The following SP140 variants were observed in gnomAD, a reference collection of about 807,000 sequenced individuals.
The protein encoded by SP140 is nuclear body protein SP140.
SP140 carries 81 observed loss-of-function variants against 125.0 expected under a neutral mutation model. The ratio of observed to expected loss-of-function variants is 0.65; its 90% CI spans 0.54 to 0.78. The LOEUF (loss-of-function observed/expected upper bound fraction) is 0.78. SP140 is among the 30% of genes least tolerant of loss of function. SP140 has a pLI of 0.00. For missense variants in SP140, 858 were observed against 1,037.0 expected (o/e 0.83, Z 2.37); for synonymous variants, 312 against 354.0 (o/e 0.88, Z 1.33).
chr2:230,238,947 G>T lies in SP140; in HGVS notation c.406+566G>T, dbSNP rs2048350464. On this transcript the variant is annotated intron_variant, in intron 3 of 26. Transcript: ENST00000392045. Reference sequence around the variant, plus strand: ...GTGGTTGAATTGCAGACTGTGGGAGGCAGGGTGTGAGAGCTGACTCTGGAG... The same window carrying T: ...GTGGTTGAATTGCAGACTGTGGGAGTCAGGGTGTGAGAGCTGACTCTGGAG... The T allele has an allele frequency of 5.8e-6, 9 of 1,539,824 alleles. No individual in the cohort carries two copies. In the East Asian group the frequency reaches 2.2e-4, roughly 38 times the overall value.
intron 9 of SP140, among the ~76,000 whole-genome samples, chr2:230,249,878 C>G (rs2114590): frequency 0.28 from 43,198 of 152,054 alleles, 6,273 homozygotes; most frequent in Middle Eastern, 0.34. Context: ...CCTAGGTAGA[C>G]AGTGGCACAG....
chr2:230,198,419 T>A (rs1171088615), upstream of SP140, among the ~76,000 whole-genome samples: 1 of 152,182 alleles, frequency 6.6e-6, no homozygotes, highest in African/African-American at 2.4e-5. Context: ...ATGCCCACCA[T>A]AAACATGGGC....
At chr2:230,202,795 T>A, upstream of SP140, 1 of 1,473,862 alleles carries the variant, frequency 6.8e-7, no homozygotes, top group Non-Finnish European at 9.5e-7. Flanking sequence ...ACAGTCCCAA[T>A]CAGTGACTTC....
chr2:230,302,176 G>A (rs567952703), intron 22 of SP140, among the ~76,000 whole-genome samples: 1 of 151,512 alleles, frequency 6.6e-6, no homozygotes, highest in South Asian at 2.1e-4. Flanking sequence ...ACAAGGTCAG[G>A]AGATCAAGAC....
At chr2:230,239,213 G>T in intron 3 of SP140, 1 of 301,490 alleles carries the variant, frequency 3.3e-6, no homozygotes, top group East Asian at 9.0e-5. Context: ...CAAATACTGT[G>T]CATGCCTCCT....
intron 1 of SP140, chr2:230,230,439 C>G (rs1470467753): frequency 6.6e-6 from 1 of 152,144 alleles, no homozygotes; most frequent in Non-Finnish European, 1.5e-5. Context: ...CATGTGACCT[C>G]CAGCTACATG....
intron 3 of SP140, chr2:230,238,948 C>G: frequency 1.3e-6 from 2 of 1,538,334 alleles, no homozygotes; most frequent in African/African-American, 1.4e-5. Context: ...CTGTGGGAGG[C>G]AGGGTGTGAG....
intron 1 of SP140, among the ~76,000 whole-genome samples, chr2:230,235,772 G>C (rs2047885554): frequency 6.6e-6 from 1 of 151,848 alleles, no homozygotes; most frequent in Admixed American, 6.5e-5. Flanking sequence ...CTGAAATCCA[G>C]AGGTCTCCAA....
chr2:230,281,567 T>C (rs962320363), intron 15 of SP140, among the ~76,000 whole-genome samples: 1 of 152,204 alleles, frequency 6.6e-6, no homozygotes, highest in South Asian at 2.1e-4. Context: ...TTCTGGTGTA[T>C]CTCCACCCAC....
chr2:230,242,539 T>G (rs2149146684), intron 4 of SP140, among the ~76,000 whole-genome samples: 1 of 151,086 alleles, frequency 6.6e-6, no homozygotes, highest in South Asian at 2.1e-4. Flanking sequence ...CTGAGGACCT[T>G]TACTCAAGGG....
At chr2:230,287,870 T>TTA in intron 17 of SP140, 22 bp from the exon 18 acceptor site, 1 of 1,590,866 alleles carries the variant, frequency 6.3e-7, no homozygotes, top group Non-Finnish European at 8.6e-7. Context: ...ATGACTGTGA[T>TTA]TATATTATTC....
intron 1 of SP140, chr2:230,230,472 C>T (rs762416532): frequency 1.3e-5 from 2 of 152,212 alleles, no homozygotes; most frequent in Non-Finnish European, 2.9e-5. Flanking sequence ...TAATTCTAAT[C>T]TTGTATCCAA....
rs1162297857 is a variant in SP140, at chr2:230,216,920, G to A, written c.-91+2846G>A. On this transcript the variant is annotated intron_variant, in intron 3 of 4. Coordinates refer to the SP140 transcript ENST00000456542. ...AGCCTCTTCCATGGCTCTTGTCATGGTGAACATCCTATGGAAAGAGGCATG... is the reference window on the plus strand; with the variant it reads ...AGCCTCTTCCATGGCTCTTGTCATGATGAACATCCTATGGAAAGAGGCATG... 1 of 1,613,424 alleles carries A rather than the reference G, an allele frequency of 6.2e-7. No homozygotes were observed. The highest frequency in any genetic ancestry group is 1.7e-5 in the Admixed American group (1 of 59,978).
At chr2:230,243,120 A>C (rs934640665) in intron 4 of SP140, among the ~76,000 whole-genome samples, 1 of 152,180 alleles carries the variant, frequency 6.6e-6, no homozygotes, top group Non-Finnish European at 1.5e-5. Context: ...AGGTGGAATA[A>C]AATTTCCCCC....
chr2:230,214,862 C>G, intron 3 of SP140: 1 of 1,079,822 alleles, frequency 9.3e-7, no homozygotes, highest in Non-Finnish European at 1.4e-6. Context: ...GGGGGATTAA[C>G]GTGCATATTC....
At chr2:230,231,682 T>A (rs2047265472) in intron 1 of SP140, among the ~76,000 whole-genome samples, 1 of 152,148 alleles carries the variant, frequency 6.6e-6, no homozygotes, top group Non-Finnish European at 1.5e-5. Context: ...GGCTATTACT[T>A]TTAAAAGAAT....
the SP140 span, among the ~76,000 whole-genome samples, chr2:230,195,287 A>G: frequency 0.76 from 115,903 of 151,748 alleles, 44,392 homozygotes; most frequent in Admixed American, 0.83. Flanking sequence ...AGGGGATTGA[A>G]TAAAGATGGA....
chr2:230,252,504 G>T (rs2050524195), intron 10 of SP140, among the ~76,000 whole-genome samples: 1 of 152,042 alleles, frequency 6.6e-6, no homozygotes, highest in South Asian at 2.1e-4. Context: ...GAGTCCAGCG[G>T]CAAGAGACAG....
chr2:230,286,931 C>T (rs2056457130), intron 17 of SP140, among the ~76,000 whole-genome samples: 1 of 152,192 alleles, frequency 6.6e-6, no homozygotes, highest in South Asian at 2.1e-4. Flanking sequence ...AAAATATTTC[C>T]TCATGGGCCT....
Sources: gnomAD v4.1 joint callset for allele counts (sites outside exome capture counted in the v4.1 genomes callset) on GRCh38, gnomAD v4.1.1 for gene constraint, MANE v1.5 for transcripts, NCBI Gene and HGNC (gene_info 2026-07-23, HGNC 2026-07-21) for gene names.